Variants in DOK5 observed in about 807,000 individuals in gnomAD.
The protein encoded by DOK5 is docking protein 5.
In DOK5, 27 loss-of-function variants were observed where a neutral mutation model predicts 43.3. The ratio of observed to expected loss-of-function variants is 0.62; its 90% CI spans 0.46 to 0.86. The LOEUF (loss-of-function observed/expected upper bound fraction) is 0.86, where lower values mean the gene tolerates loss of function less well. DOK5 is among the 40% of genes least tolerant of loss of function. The pLI, the probability that DOK5 is intolerant of heterozygous loss-of-function variation, is 0.00. For synonymous variants in DOK5, 146 were observed against 140.1 expected, an observed-to-expected ratio of 1.04 and a Z score of -0.30; for missense variants, 373 against 392.9, an observed-to-expected ratio of 0.95 and a Z score of 0.43.
intron 5 of DOK5, among the ~76,000 whole-genome samples, chr20:54,606,665 A>G (rs1986478882): frequency 6.6e-6 from 1 of 152,180 alleles, no homozygotes; most frequent in Non-Finnish European, 1.5e-5. Flanking sequence ...GTAACATTTT[A>G]GAGTGTTGTA....
chr20:54,528,583 A>G (rs1983657840), intron 1 of DOK5, among the ~76,000 whole-genome samples: 1 of 152,238 alleles, frequency 6.6e-6, no homozygotes, highest in Admixed American at 6.5e-5. Flanking sequence ...GCCTTCTTGG[A>G]AAGCTCACAC....
chr20:54,644,715 A>ACAAACAAAC (rs1555839815), intron 7 of DOK5, among the ~76,000 whole-genome samples: 11 of 77,310 alleles, frequency 1.4e-4, no homozygotes, highest in Middle Eastern at 5.2e-3. Flanking sequence ...CAAAAAAAAA[A>ACAAACAAAC]AAAAAAAAAC....
At chr20:54,641,722 C>G (rs879589414) in intron 6 of DOK5, among the ~76,000 whole-genome samples, 3 of 152,148 alleles carry the variant, frequency 2.0e-5, no homozygotes, top group Admixed American at 6.5e-5. Context: ...TGACATTGCA[C>G]TAGGTCTGTA....
chr20:54,644,567 G>A (rs892186857), intron 7 of DOK5, among the ~76,000 whole-genome samples: 6 of 151,820 alleles, frequency 4.0e-5, no homozygotes, highest in South Asian at 4.2e-4. Flanking sequence ...TTAGCCGGGC[G>A]TGGTGGCGGG....
At chr20:54,642,549 CAA>C (rs66463305) in intron 6 of DOK5, among the ~76,000 whole-genome samples, 8 of 96,368 alleles carry the variant, frequency 8.3e-5, no homozygotes, top group African/African-American at 3.0e-4. Flanking sequence ...ACTAAAAATA[CAA>C]AAAAAAAAAA....
chr20:54,518,684 C>G (rs1175904793), intron 1 of DOK5, among the ~76,000 whole-genome samples: 1 of 152,064 alleles, frequency 6.6e-6, no homozygotes, highest in Non-Finnish European at 1.5e-5. Flanking sequence ...GTTCTAGATC[C>G]CTGAGGAATC....
intron 1 of DOK5, among the ~76,000 whole-genome samples, chr20:54,477,727 CTG>C (rs951736594): frequency 6.6e-5 from 10 of 151,700 alleles, no homozygotes; most frequent in Non-Finnish European, 1.5e-4. Context: ...GACATCCATT[CTG>C]TGTTAGGGAG....
At chr20:54,643,609 T>C (rs1979231835) in intron 7 of DOK5, 31 bp downstream of exon 7, 4 of 1,603,680 alleles carry the variant, frequency 2.5e-6, no homozygotes, top group East Asian at 2.2e-5. Flanking sequence ...GTCCAGGGTG[T>C]GGGCCAGGCC....
At chr20:54,571,111 ATTTC>A (rs1250550513) in intron 2 of DOK5, among the ~76,000 whole-genome samples, 1 of 152,194 alleles carries the variant, frequency 6.6e-6, no homozygotes, top group African/African-American at 2.4e-5. Context: ...AGTGTTGAGT[ATTTC>A]TTTCTTTTGT....
chr20:54,576,598 T>C (rs1462048223), intron 2 of DOK5, among the ~76,000 whole-genome samples: 1 of 152,224 alleles, frequency 6.6e-6, no homozygotes, highest in East Asian at 1.9e-4. Flanking sequence ...CGAGTGAAGA[T>C]TCACTGAACT....
chr20:54,513,462 CAAAAAAAAAA>C (rs1011871917), intron 1 of DOK5, among the ~76,000 whole-genome samples: 1 of 24,624 alleles, frequency 4.1e-5, no homozygotes, highest in Non-Finnish European at 9.9e-5. Flanking sequence ...ATACTCTGAG[CAAAAAAAAAA>C]AAAAAAAAAA....
chr20:54,617,849 T>A (rs1229335797), intron 6 of DOK5, among the ~76,000 whole-genome samples: 4 of 152,242 alleles, frequency 2.6e-5, no homozygotes, highest in Admixed American at 1.3e-4. Context: ...TTATTGAACA[T>A]CTACTATATG....
chr20:54,508,356 C>A (rs1982889795), intron 1 of DOK5, among the ~76,000 whole-genome samples: 1 of 151,214 alleles, frequency 6.6e-6, no homozygotes, highest in African/African-American at 2.4e-5. Flanking sequence ...TTTTATCCCA[C>A]TGCATTTTAC....
chr20:54,543,556 TGTG>T (rs1984237615), intron 1 of DOK5, among the ~76,000 whole-genome samples: 2 of 151,254 alleles, frequency 1.3e-5, no homozygotes, highest in African/African-American at 4.9e-5. Context: ...TGTGTGTGTG[TGTG>T]TGTGTGTGTG....
chr20:54,606,817 G>C (rs1382265945), intron 5 of DOK5, among the ~76,000 whole-genome samples: 2 of 152,146 alleles, frequency 1.3e-5, no homozygotes, highest in Non-Finnish European at 2.9e-5. Context: ...CATGGGTCAG[G>C]CTGTCCAATG....
At position 54,592,559 on chromosome 20, in the gene DOK5, A is replaced by G. The variant is rs757500820; in HGVS notation, c.599+754A>G. On this transcript the variant is annotated intron_variant, in intron 5 of 7. Coordinates refer to ENST00000262593, the MANE Select transcript of DOK5 (RefSeq NM_018431.5). ...GCAGGTAATTTTTTTTTTTTTTTTG[A>G]GATGGAGTCTCGCTCTGTCACCCAG... 9.2e-4 allele frequency among the ~76,000 whole-genome samples: 125 copies of G among 136,546 alleles called. 1 individual carries two copies. The highest frequency in any genetic ancestry group is 1.5e-3 in the Admixed American group (20 of 13,768). 89.6% of individuals were successfully genotyped at this position (136,546 alleles called of 152,430 possible).
At chr20:54,569,014 T>G (rs1985196172) in intron 2 of DOK5, among the ~76,000 whole-genome samples, 1 of 151,384 alleles carries the variant, frequency 6.6e-6, no homozygotes. Flanking sequence ...AATTCTGATG[T>G]TGGACCCTAG....
intron 6 of DOK5, among the ~76,000 whole-genome samples, chr20:54,636,297 T>C (rs1207309149): frequency 2.0e-5 from 3 of 152,330 alleles, no homozygotes; most frequent in South Asian, 4.1e-4. Context: ...GTAAAATTAA[T>C]GAAAGGCCAA....
chr20:54,539,763 C>T lies in DOK5; in HGVS notation c.67-15170C>T, dbSNP rs1019918811. Among the ~76,000 whole-genome samples, 8 of 152,038 alleles carry T rather than the reference C, an allele frequency of 5.3e-5. No homozygotes were observed. The East Asian group carries it at 5.8e-4, about 11-fold the overall frequency. ...TGAACCCAGCCATGATTAATGAAGC[C>T]GGGTCAGATCAGCCAAACTGCCCAA... On this transcript the variant is annotated intron_variant, in intron 1 of 7. Transcript: ENST00000262593.
Sources: gnomAD v4.1 joint callset for allele counts (sites outside exome capture counted in the v4.1 genomes callset) on GRCh38, gnomAD v4.1.1 for gene constraint, MANE v1.5 for transcripts, NCBI Gene and HGNC (gene_info 2026-07-23, HGNC 2026-07-21) for gene names.